Variants in MGMT observed in about 807,000 individuals in gnomAD.
The protein encoded by MGMT is methylated-DNA--protein-cysteine methyltransferase.
A neutral mutation model predicts 15.9 loss-of-function variants in MGMT; 14 were observed. The observed-to-expected ratio is 0.88, with a 90% CI of 0.58 to 1.37. The LOEUF (loss-of-function observed/expected upper bound fraction) is 1.37, where lower values mean the gene tolerates loss of function less well. Ranked by LOEUF, MGMT falls within the 40% of genes most tolerant of loss-of-function variation. The probability of loss-of-function intolerance (pLI) is 0.00; values close to 1 mark genes in which losing one functional copy is unlikely to be tolerated. For synonymous variants in MGMT, 130 were observed against 118.2 expected (o/e 1.10, Z -0.65); for missense variants, 282 against 268.1 (o/e 1.05, Z -0.36).
intron 1 of MGMT, among the ~76,000 whole-genome samples, chr10:129,484,196 A>C (rs1339580179): frequency 1.3e-5 from 2 of 152,124 alleles, no homozygotes; most frequent in Admixed American, 1.3e-4. Context: ...AGGAAATGTC[A>C]CTGAATATTT....
intron 3 of MGMT, among the ~76,000 whole-genome samples, chr10:129,750,091 C>T (rs964392846): frequency 1.3e-5 from 2 of 152,004 alleles, no homozygotes; most frequent in African/African-American, 4.8e-5. Flanking sequence ...GTCTCAGCAT[C>T]TTTTGTAGTA....
intron 3 of MGMT, among the ~76,000 whole-genome samples, chr10:129,750,579 G>T (rs1407895987): frequency 6.6e-6 from 1 of 152,040 alleles, no homozygotes. Context: ...CAGTATAACA[G>T]CTATTTACAT....
chr10:129,730,560 G>A (rs1000680399), intron 3 of MGMT, among the ~76,000 whole-genome samples: 1 of 152,158 alleles, frequency 6.6e-6, no homozygotes, highest in African/African-American at 2.4e-5. Context: ...GAGCAGACGC[G>A]AGGTTTGCAG....
chr10:129,639,158 A>G (rs892008156), intron 2 of MGMT, among the ~76,000 whole-genome samples: 1 of 152,192 alleles, frequency 6.6e-6, no homozygotes, highest in Admixed American at 6.5e-5. Flanking sequence ...GAAAAAATAC[A>G]AAGATCTTAA....
intron 2 of MGMT, among the ~76,000 whole-genome samples, chr10:129,549,021 G>A (rs1846127134): frequency 6.6e-6 from 1 of 152,224 alleles, no homozygotes; most frequent in African/African-American, 2.4e-5. Flanking sequence ...TTCTTTGTTA[G>A]AATTCATTTA....
intron 1 of MGMT, among the ~76,000 whole-genome samples, chr10:129,534,688 A>G (rs1054136126): frequency 2.0e-5 from 3 of 151,816 alleles, no homozygotes; most frequent in African/African-American, 7.3e-5. Flanking sequence ...TTCACAGGAT[A>G]GGAGACCAGG....
In MGMT at chr10:129,735,058, G is replaced by A. The variant is rs1375535565; in HGVS notation, c.275-24144G>A. ...GTGTCTCTGCCCAGCTTTGGTATCA[G>A]GATGATGCTGGCCTCATAAAATGAG... On this transcript the variant is annotated intron_variant, in intron 3 of 4. Transcript: ENST00000651593. Among the ~76,000 whole-genome samples, 8 of 152,236 alleles carry A rather than the reference G, an allele frequency of 5.3e-5. 1 individual carries two copies. In the South Asian group the frequency reaches 1.7e-3, roughly 32 times the overall value.
At chr10:129,571,811 CTAAG>C (rs1173954535) in intron 2 of MGMT, among the ~76,000 whole-genome samples, 5 of 152,174 alleles carry the variant, frequency 3.3e-5, no homozygotes, top group African/African-American at 4.8e-5. Context: ...TATCAATCAT[CTAAG>C]TAAGCTATGA....
chr10:129,760,353 G>T (rs948712436), intron 4 of MGMT, among the ~76,000 whole-genome samples: 1 of 152,206 alleles, frequency 6.6e-6, no homozygotes, highest in Non-Finnish European at 1.5e-5. Flanking sequence ...GATGGTGTGT[G>T]GTCACGTTGG....
In MGMT at chr10:129,768,620, C is replaced by G. The variant is rs534117716; in HGVS notation, c.*1623C>G. On this transcript the variant is annotated 3_prime_UTR_variant, in exon 5 of 5. Coordinates refer to ENST00000651593, the MANE Select transcript of MGMT (RefSeq NM_002412.5). ...TGGCCGGTCACCAGGCACGGCTTTC[C>G]CCTCTGCATGAACAGAACAGAAGCT... 6.6e-6 allele frequency among the ~76,000 whole-genome samples: 1 copy of G among 152,370 alleles called. No individual in the cohort carries two copies. The highest frequency in any genetic ancestry group is 2.4e-5 in the African/African-American group (1 of 41,596).
chr10:129,573,559 C>A (rs1846444257), intron 2 of MGMT, among the ~76,000 whole-genome samples: 1 of 151,866 alleles, frequency 6.6e-6, no homozygotes, highest in Non-Finnish European at 1.5e-5. Flanking sequence ...TTTCCTTCTA[C>A]TTTTTAAATG....
rs559897249 is a variant in MGMT, at chr10:129,645,442, G to A, written c.126-62453G>A. Among the ~76,000 whole-genome samples the A allele has an allele frequency of 2.2e-3, 342 of 152,280 alleles. 1 individual carries two copies. The highest frequency in any genetic ancestry group is 7.9e-3 in the African/African-American group (327 of 41,566). On this transcript the variant is annotated intron_variant, in intron 2 of 4. Transcript: ENST00000651593. Reference sequence around the variant, plus strand: ...TGGCCAAAAGCCCACGTTTGGCAGGGTGGCTGGCAGCCTTGGGGCCTCATC... The same window carrying A: ...TGGCCAAAAGCCCACGTTTGGCAGGATGGCTGGCAGCCTTGGGGCCTCATC...
intron 2 of MGMT, among the ~76,000 whole-genome samples, chr10:129,644,974 G>A (rs1311568905): frequency 3.9e-5 from 6 of 152,140 alleles, no homozygotes; most frequent in African/African-American, 9.7e-5. Context: ...GGGAGTGGAC[G>A]TCCAGATAAT....
intron 2 of MGMT, among the ~76,000 whole-genome samples, chr10:129,605,029 T>C (rs1247838986): frequency 6.6e-6 from 1 of 152,172 alleles, no homozygotes; most frequent in African/African-American, 2.4e-5. Flanking sequence ...TTTAATGTTT[T>C]ACCAAATTAA....
rs145304551 is a variant in MGMT, at chr10:129,487,912, G to GGTGT, written c.-13+20637_-13+20640dup. Among the ~76,000 whole-genome samples the GGTGT allele has an allele frequency of 5.3e-3, 724 of 137,648 alleles. 4 individuals are homozygous for GGTGT. The highest frequency in any genetic ancestry group is 0.012 in the South Asian group (51 of 4,148). The allele number at this position is 137,648 out of a possible 152,430, so 90.3% of individuals were successfully genotyped here. A position where few individuals can be genotyped will look rare whatever the true frequency, so the allele number is the denominator to read the frequency against. On this transcript the variant is annotated intron_variant, in intron 1 of 4. Coordinates refer to ENST00000651593, the MANE Select transcript of MGMT (RefSeq NM_002412.5). ...TGTGTGTATATATATACCATATAGG[G>GGTGT]GTGTGTGTGTGTGTGTGTGTGTGTA...
intron 3 of MGMT, among the ~76,000 whole-genome samples, chr10:129,744,196 G>A (rs192542555): frequency 5.9e-5 from 9 of 152,294 alleles, no homozygotes; most frequent in Middle Eastern, 3.4e-3. Context: ...GTCAGTGAGC[G>A]CTGGGACTCA....
At chr10:129,520,524 TCTACAGTGCATGTACAGAGCCC>T (rs1235312365) in intron 1 of MGMT, among the ~76,000 whole-genome samples, 1 of 109,070 alleles carries the variant, frequency 9.2e-6, no homozygotes, top group Non-Finnish European at 2.0e-5. Flanking sequence ...GTGCAGAGCC[TCTACAGTGCATGTACAGAGCCC>T]CTACCGTGCA....
chr10:129,661,114 C>A (rs1488337814), intron 2 of MGMT, among the ~76,000 whole-genome samples: 1 of 152,132 alleles, frequency 6.6e-6, no homozygotes, highest in African/African-American at 2.4e-5. Flanking sequence ...ACTTTAACTT[C>A]CTAATATATC....
intron 2 of MGMT, among the ~76,000 whole-genome samples, chr10:129,706,940 C>T (rs1447293985): frequency 1.3e-5 from 2 of 152,096 alleles, no homozygotes; most frequent in African/African-American, 4.8e-5. Context: ...GTTCAAACTG[C>T]AGGAAATCAA....
Sources: allele counts gnomAD v4.1 joint callset (sites outside exome capture counted in the v4.1 genomes callset), GRCh38; gene constraint gnomAD v4.1.1; transcripts MANE v1.5; gene names NCBI Gene and HGNC (gene_info 2026-07-23, HGNC 2026-07-21).